The following NFIB variants were observed in gnomAD, a reference collection of about 807,000 sequenced individuals.
NFIB encodes nuclear factor 1 B-type.
In NFIB, 11 loss-of-function variants were observed where a neutral mutation model predicts 61.5. That is an observed-to-expected ratio of 0.18 (90% CI 0.11 to 0.30). The LOEUF (loss-of-function observed/expected upper bound fraction) is 0.30. Among genes scored for constraint, NFIB ranks in the 10% least tolerant of loss-of-function variants. NFIB has a pLI of 1.00. For missense variants in NFIB, 471 were observed against 608.9 expected (o/e 0.77, Z 2.38); for synonymous variants, 260 against 216.5 (o/e 1.20, Z -1.76).
chr9:14,522,275 T>C, the NFIB span, among the ~76,000 whole-genome samples: 1 of 152,258 alleles, frequency 6.6e-6, no homozygotes, highest in East Asian at 1.9e-4. Context: ...ACATGTGTCA[T>C]CAATATTCCA....
the NFIB span, among the ~76,000 whole-genome samples, chr9:14,406,614 T>G: frequency 6.6e-6 from 1 of 152,190 alleles, no homozygotes; most frequent in East Asian, 1.9e-4. Context: ...AGCTAGCTGT[T>G]CCTCTTTCTT....
intron 2 of NFIB, among the ~76,000 whole-genome samples, chr9:14,219,972 C>T (rs1417861271): frequency 2.0e-5 from 3 of 152,166 alleles, no homozygotes; most frequent in South Asian, 2.1e-4. Context: ...TGGAACTACA[C>T]CAAAAAAACT....
chr9:14,402,298 G>GA (rs1327821739), upstream of NFIB, among the ~76,000 whole-genome samples: 2 of 152,172 alleles, frequency 1.3e-5, no homozygotes, highest in African/African-American at 4.8e-5. Flanking sequence ...GCTTTAAGGA[G>GA]AAAATTATTA....
intron 2 of NFIB, among the ~76,000 whole-genome samples, chr9:14,237,883 GTGTGTGTA>G (rs2053949504): frequency 7.0e-6 from 1 of 143,012 alleles, no homozygotes; most frequent in Admixed American, 7.0e-5. Flanking sequence ...GTGTGTGTGT[GTGTGTGTA>G]TTCTACCATA....
intron 2 of NFIB, among the ~76,000 whole-genome samples, chr9:14,291,630 G>C (rs935001766): frequency 2.6e-5 from 4 of 151,966 alleles, no homozygotes; most frequent in African/African-American, 9.7e-5. Flanking sequence ...ATGGATGTTT[G>C]TTTTAAACTT....
Position 14,092,123 on chromosome 9 carries a change from T to A in NFIB, c.1468-3797A>T, listed in dbSNP as rs138967566. On this transcript the variant is annotated intron_variant, in intron 10 of 10. Transcript: ENST00000380953. ...TCTGAAGTACTGTATTTCTTCTAGGTAGCACTGTGGAAGAAAACCTAACTT... is the reference window on the plus strand; with the variant it reads ...TCTGAAGTACTGTATTTCTTCTAGGAAGCACTGTGGAAGAAAACCTAACTT... Among the ~76,000 whole-genome samples the A allele has an allele frequency of 4.6e-4, 70 of 152,254 alleles. 1 individual carries two copies. The South Asian group carries it at 0.014, about 31-fold the overall frequency.
intron 2 of NFIB, among the ~76,000 whole-genome samples, chr9:14,250,725 G>A (rs1342700370): frequency 6.6e-6 from 1 of 152,196 alleles, no homozygotes; most frequent in Non-Finnish European, 1.5e-5. Flanking sequence ...AAGTCAACCT[G>A]TATATCTCTG....
chr9:14,475,350 C>T, the NFIB span, among the ~76,000 whole-genome samples: 1 of 152,202 alleles, frequency 6.6e-6, no homozygotes, highest in Non-Finnish European at 1.5e-5. Context: ...GGATAAGAAC[C>T]TTTCGACCAT....
At chr9:14,430,222 A>G in the NFIB span, among the ~76,000 whole-genome samples, 1 of 152,244 alleles carries the variant, frequency 6.6e-6, no homozygotes, top group Admixed American at 6.5e-5. Flanking sequence ...AATTACAGTT[A>G]CATGGGTAAA....
chr9:14,462,223 C>T, the NFIB span, among the ~76,000 whole-genome samples: 2 of 152,160 alleles, frequency 1.3e-5, no homozygotes, highest in Non-Finnish European at 2.9e-5. Flanking sequence ...TTCTGCTGAT[C>T]ACCCCAGTGT....
chr9:14,196,243 G>A (rs1238478151), intron 2 of NFIB, among the ~76,000 whole-genome samples: 1 of 152,140 alleles, frequency 6.6e-6, no homozygotes, highest in African/African-American at 2.4e-5. Context: ...CACTCAGGGA[G>A]GATCTATAAG....
chr9:14,387,471 C>T (rs969792498), intron 1 of NFIB, among the ~76,000 whole-genome samples: 2 of 152,046 alleles, frequency 1.3e-5, no homozygotes, highest in Non-Finnish European at 2.9e-5. Flanking sequence ...ATATAACCTA[C>T]ACAATATTAG....
chr9:14,300,552 A>G (rs1453022759), intron 2 of NFIB, among the ~76,000 whole-genome samples: 2 of 152,220 alleles, frequency 1.3e-5, no homozygotes, highest in South Asian at 2.1e-4. Flanking sequence ...ATTTTCAGGT[A>G]TTTAATAATT....
At chr9:14,430,769 A>G in the NFIB span, among the ~76,000 whole-genome samples, 1 of 151,938 alleles carries the variant, frequency 6.6e-6, no homozygotes, top group East Asian at 1.9e-4. Flanking sequence ...TTTCGTAGAG[A>G]GGGGGTTTTG....
intron 1 of NFIB, among the ~76,000 whole-genome samples, chr9:14,328,379 C>T (rs1588316158): frequency 6.6e-6 from 1 of 152,258 alleles, no homozygotes; most frequent in Non-Finnish European, 1.5e-5. Context: ...CTCCTGGGCT[C>T]AAGTGGTCTT....
At chr9:14,286,947 A>T (rs2058743871) in intron 2 of NFIB, among the ~76,000 whole-genome samples, 1 of 152,238 alleles carries the variant, frequency 6.6e-6, no homozygotes, top group African/African-American at 2.4e-5. Flanking sequence ...ATATCACCTT[A>T]TAAGAGAACA....
At position 14,313,726 on chromosome 9, in the gene NFIB, A is replaced by G. The variant is rs2060401381; in HGVS notation, c.-215T>C. ...CGGCGTGCTAGATTTCCAGGGGTGAAATCCAATCTACACTTTTAACCCTCT... is the reference window on the plus strand; with the variant it reads ...CGGCGTGCTAGATTTCCAGGGGTGAGATCCAATCTACACTTTTAACCCTCT... On this transcript the variant is annotated 5_prime_UTR_variant, in exon 1 of 11. Coordinates refer to ENST00000380953, the MANE Select transcript of NFIB (RefSeq NM_001190737.2). The surrounding 1 kb of genome is among the most constrained non-coding windows in gnomAD (Gnocchi z 4.5). The G allele has an allele frequency of 7.8e-6, 11 of 1,415,028 alleles. No homozygotes were observed. Among genetic ancestry groups the G allele is most frequent in the Non-Finnish European group, 9.2e-6 (10 of 1,087,122 alleles). The allele number at this position is 1,415,028 out of a possible 1,614,324, so 87.7% of individuals were successfully genotyped here.
intron 1 of NFIB, among the ~76,000 whole-genome samples, chr9:14,383,018 C>A (rs1391239034): frequency 6.6e-6 from 1 of 152,102 alleles, no homozygotes; most frequent in Non-Finnish European, 1.5e-5. Flanking sequence ...ATCAGCTTAT[C>A]CTTGGCCTCA....
intron 2 of NFIB, among the ~76,000 whole-genome samples, chr9:14,273,973 A>C (rs1314390531): frequency 6.6e-6 from 1 of 152,154 alleles, no homozygotes; most frequent in Non-Finnish European, 1.5e-5. Context: ...CTGATGTCAT[A>C]TAATAGATTT....
Sources: allele counts gnomAD v4.1 joint callset (sites outside exome capture counted in the v4.1 genomes callset), GRCh38; gene constraint gnomAD v4.1.1; non-coding constraint Gnocchi (gnomAD v3.1); transcripts MANE v1.5; gene names NCBI Gene and HGNC (gene_info 2026-07-23, HGNC 2026-07-21).